The following PACRG variants were observed in gnomAD, a reference collection of about 807,000 sequenced individuals.
The protein encoded by PACRG is parkin coregulated gene protein.
Under a neutral mutation model 29.7 loss-of-function variants are expected in PACRG, and 29 were observed. The ratio of observed to expected loss-of-function variants is 0.98; its 90% CI spans 0.73 to 1.33. PACRG has a LOEUF of 1.33. Ranked by LOEUF, PACRG falls within the 40% of genes most tolerant of loss-of-function variation. The pLI is 0.00. For missense variants in PACRG, 279 were observed against 316.2 expected, an observed-to-expected ratio of 0.88 and a Z score of 0.89; for synonymous variants, 116 against 118.7, an observed-to-expected ratio of 0.98 and a Z score of 0.15.
chr6:162,805,787 G>C (rs185344348), intron 1 of PACRG, among the ~76,000 whole-genome samples: 4 of 152,160 alleles, frequency 2.6e-5, no homozygotes, highest in East Asian at 1.9e-4. Context: ...ATAAGAAGCA[G>C]CTCCTCATTA....
At chr6:162,805,043 A>C (rs1392097108) in intron 1 of PACRG, among the ~76,000 whole-genome samples, 1 of 152,216 alleles carries the variant, frequency 6.6e-6, no homozygotes, top group African/African-American at 2.4e-5. Flanking sequence ...GAAGATGGTA[A>C]GTACTTGTGT....
Position 163,211,117 on chromosome 6 carries a change from T to G in PACRG, c.614-103710T>G, listed in dbSNP as rs141883180. Among the ~76,000 whole-genome samples the G allele has an allele frequency of 4.3e-3, 655 of 152,350 alleles. 6 individuals are homozygous for G. Among genetic ancestry groups the G allele is most frequent in the African/African-American group, 0.015 (620 of 41,580 alleles). Reference sequence around the variant, plus strand: ...CCCACCACCTTTTTTTTAAATTCCCTTTGGCTCTTAACTCTACCATTATGA... The same window carrying G: ...CCCACCACCTTTTTTTTAAATTCCCGTTGGCTCTTAACTCTACCATTATGA... On this transcript the variant is annotated intron_variant, in intron 4 of 4. Transcript: ENST00000366888.
At chr6:162,872,851 T>G (rs1202244784) in intron 2 of PACRG, among the ~76,000 whole-genome samples, 2 of 152,094 alleles carry the variant, frequency 1.3e-5, no homozygotes, top group Admixed American at 6.5e-5. Flanking sequence ...TGAATAGAGT[T>G]TCAGGGAATG....
intron 4 of PACRG, among the ~76,000 whole-genome samples, chr6:163,115,716 C>T (rs1006531023): frequency 1.6e-4 from 25 of 152,254 alleles, no homozygotes; most frequent in African/African-American, 6.0e-4. Flanking sequence ...CCAACCAGGC[C>T]CAGAGAGCAG....
Position 162,820,147 on chromosome 6 carries a change from C to G in PACRG, c.291+5866C>G, listed in dbSNP as rs571522695. On this transcript the variant is annotated intron_variant, in intron 2 of 4. Coordinates refer to ENST00000366888, the MANE Select transcript of PACRG (RefSeq NM_001080379.2). ...TAAAGGACTGAAAATATATGTTGCA[C>G]TTGAACACCCAAGTAAAGGAAATGC... Among the ~76,000 whole-genome samples the G allele has an allele frequency of 7.2e-4, 110 of 152,266 alleles. 2 individuals are homozygous for G. The South Asian group carries it at 0.022, about 31-fold the overall frequency.
chr6:162,968,649 A>G (rs994504444), intron 2 of PACRG, among the ~76,000 whole-genome samples: 9 of 152,216 alleles, frequency 5.9e-5, no homozygotes, highest in Admixed American at 5.9e-4. Context: ...ATGTAGGTGG[A>G]AAAAAATTAT....
At chr6:163,105,234 G>C (rs1815315653) in intron 4 of PACRG, among the ~76,000 whole-genome samples, 1 of 151,860 alleles carries the variant, frequency 6.6e-6, no homozygotes, top group Non-Finnish European at 1.5e-5. Context: ...TAACTTCCAG[G>C]CCCAATGCAT....
intron 4 of PACRG, among the ~76,000 whole-genome samples, chr6:163,314,591 A>G (rs1479681278): frequency 6.6e-6 from 1 of 152,120 alleles, no homozygotes; most frequent in Non-Finnish European, 1.5e-5. Flanking sequence ...ACTGTGATTC[A>G]CTTACTTTTG....
At chr6:163,172,156 C>T (rs927147810) in intron 4 of PACRG, among the ~76,000 whole-genome samples, 4 of 152,170 alleles carry the variant, frequency 2.6e-5, no homozygotes, top group Non-Finnish European at 4.4e-5. Context: ...TAAAACAAGG[C>T]CAAGTGCCTC....
At chr6:163,118,264 T>C (rs555189679) in intron 4 of PACRG, among the ~76,000 whole-genome samples, 1 of 152,336 alleles carries the variant, frequency 6.6e-6, no homozygotes, top group African/African-American at 2.4e-5. Flanking sequence ...GGTTTATGAA[T>C]AGCAGCGTAT....
chr6:163,263,852 C>A (rs1167166916), intron 4 of PACRG, among the ~76,000 whole-genome samples: 1 of 152,088 alleles, frequency 6.6e-6, no homozygotes, highest in Admixed American at 6.6e-5. Context: ...AGAAGCCTGA[C>A]GTTACTTTAA....
chr6:162,731,112 A>G (rs1779733334), intron 1 of PACRG, among the ~76,000 whole-genome samples: 1 of 152,180 alleles, frequency 6.6e-6, no homozygotes, highest in African/African-American at 2.4e-5. Context: ...AGTTTAGGGG[A>G]ATGGAATAAA....
At chr6:163,170,691 G>C (rs1409895731) in intron 4 of PACRG, 2 of 152,236 alleles carry the variant, frequency 1.3e-5, no homozygotes, top group Non-Finnish European at 2.9e-5. Flanking sequence ...CTGCCGGGCA[G>C]TCTCTATTTG....
At chr6:162,951,788 C>T (rs1463326406) in intron 2 of PACRG, among the ~76,000 whole-genome samples, 1 of 152,130 alleles carries the variant, frequency 6.6e-6, no homozygotes, top group Non-Finnish European at 1.5e-5. Context: ...TTTCTTTCAG[C>T]TGATGGTTTT....
intron 1 of PACRG, among the ~76,000 whole-genome samples, chr6:162,739,857 A>C (rs923223015): frequency 4.0e-5 from 6 of 151,818 alleles, no homozygotes; most frequent in African/African-American, 1.5e-4. Context: ...AAAAAAAAAA[A>C]AAAAAAATTG....
intron 2 of PACRG, among the ~76,000 whole-genome samples, chr6:162,951,954 G>A (rs1799684006): frequency 6.6e-6 from 1 of 152,110 alleles, no homozygotes; most frequent in Non-Finnish European, 1.5e-5. Context: ...ATTCCCTTCT[G>A]CTTTCCAGGT....
At position 162,769,765 on chromosome 6, in the gene PACRG, CA is replaced by C. The variant is rs201767213; in HGVS notation, c.156+41386del. 1.9e-3 allele frequency among the ~76,000 whole-genome samples: 237 copies of C among 126,198 alleles called. 5 individuals are homozygous for C. The East Asian group carries it at 0.03, about 16-fold the overall frequency. The allele number at this position is 126,198 out of a possible 152,430, so 82.8% of individuals were successfully genotyped here. ...ATTATCCTACTTAAAAGAAGGTTAG[CA>C]AAAAAAAAAAAGAAAAGAAAACTTA... On this transcript the variant is annotated intron_variant, in intron 1 of 4. Transcript: ENST00000366888.
At chr6:163,285,009 C>G (rs915138998) in intron 4 of PACRG, among the ~76,000 whole-genome samples, 1 of 152,200 alleles carries the variant, frequency 6.6e-6, no homozygotes, top group African/African-American at 2.4e-5. Context: ...TCACACCCAT[C>G]AAATATTGTC....
chr6:162,748,272 C>T (rs1176988281), intron 1 of PACRG, among the ~76,000 whole-genome samples: 1 of 152,132 alleles, frequency 6.6e-6, no homozygotes, highest in Non-Finnish European at 1.5e-5. Context: ...AGGCAGATCA[C>T]CTGAGGTCAG....
Sources: allele counts gnomAD v4.1 joint callset (sites outside exome capture counted in the v4.1 genomes callset), GRCh38; gene constraint gnomAD v4.1.1; transcripts MANE v1.5; gene names NCBI Gene and HGNC (gene_info 2026-07-23, HGNC 2026-07-21).